Variants in RYR3 observed in about 807,000 individuals in gnomAD.
RYR3 encodes the protein ryanodine receptor 3, also known as brain ryanodine receptor-calcium release channel.
In RYR3, 207 loss-of-function variants were observed where a neutral mutation model predicts 584.3. The ratio of observed to expected loss-of-function variants is 0.35; its 90% CI spans 0.32 to 0.40. The LOEUF is 0.40. RYR3 is among the 10% of genes least tolerant of loss of function. RYR3 has a pLI of 1.00. For synonymous variants in RYR3, 2,416 were observed against 2,248.5 expected (o/e 1.07, Z -2.11); for missense variants, 5,616 against 6,089.2 (o/e 0.92, Z 2.59).
intron 3 of RYR3, among the ~76,000 whole-genome samples, chr15:33,513,740 T>C (rs913422087): frequency 6.6e-6 from 1 of 152,104 alleles, no homozygotes; most frequent in Non-Finnish European, 1.5e-5. Flanking sequence ...GGGGTGGACA[T>C]TCTAGCCTTG....
At chr15:33,773,063 AG>A (rs2073712400) in intron 63 of RYR3, among the ~76,000 whole-genome samples, 2 of 152,182 alleles carry the variant, frequency 1.3e-5, no homozygotes, top group Non-Finnish European at 1.5e-5. Context: ...GGCAGATGTG[AG>A]GGATTTTGCT....
chr15:33,534,668 A>G (rs958565083), intron 5 of RYR3, among the ~76,000 whole-genome samples: 12 of 152,260 alleles, frequency 7.9e-5, no homozygotes, highest in Admixed American at 5.2e-4. Context: ...TGTAATATCA[A>G]ACAAGATGCT....
At chr15:33,320,162 T>C (rs1046605334) in intron 1 of RYR3, among the ~76,000 whole-genome samples, 4 of 152,182 alleles carry the variant, frequency 2.6e-5, no homozygotes, top group Admixed American at 2.0e-4. Context: ...GCATGAATAT[T>C]TTCATGATAG....
At chr15:33,621,371 G>T (rs950396388) in intron 19 of RYR3, among the ~76,000 whole-genome samples, 43 of 152,272 alleles carry the variant, frequency 2.8e-4, no homozygotes, top group African/African-American at 1.0e-3. Context: ...CTAATTCTTT[G>T]CCCAGAAAGA....
intron 60 of RYR3, among the ~76,000 whole-genome samples, chr15:33,767,383 C>T (rs889681750): frequency 1.3e-5 from 2 of 152,174 alleles, no homozygotes; most frequent in Non-Finnish European, 2.9e-5. Flanking sequence ...ATGGCTGCCA[C>T]GTTTCTGGTA....
chr15:33,613,654 CATT>C (rs1219035442), intron 19 of RYR3, among the ~76,000 whole-genome samples: 6 of 152,280 alleles, frequency 3.9e-5, no homozygotes, highest in African/African-American at 1.4e-4. Flanking sequence ...ATTACATGCT[CATT>C]ATAAGAAAAA....
intron 98 of RYR3, among the ~76,000 whole-genome samples, chr15:33,855,639 GATATCTGCATCCAATTAAGAGCCAA>G (rs755899493): frequency 0.3 from 4,953 of 16,404 alleles, 163 homozygotes; most frequent in Non-Finnish European, 0.38. Context: ...CAATATTTCT[GATATCTGCATCCAATTAAGAGCCAA>G]TGATTTCAGA....
intron 11 of RYR3, among the ~76,000 whole-genome samples, chr15:33,565,763 T>G (rs1364554467): frequency 1.3e-5 from 2 of 152,078 alleles, no homozygotes; most frequent in Admixed American, 6.5e-5. Flanking sequence ...TCACTTAACA[T>G]CTTCACATAC....
chr15:33,567,797 C>T (rs1230064980), intron 12 of RYR3, among the ~76,000 whole-genome samples: 3 of 152,172 alleles, frequency 2.0e-5, no homozygotes, highest in African/African-American at 2.4e-5. Flanking sequence ...CAGATACCCT[C>T]AGAATAAGAT....
chr15:33,699,672 T>G lies in RYR3; in HGVS notation c.6250-32T>G, dbSNP rs1190257524. ...TTCAGAAAGGCCTCATGATAGATTC[T>G]TTTGTCTGACACTTTCTACTTCTCC... On this transcript the variant is annotated intron_variant, in intron 40 of 103. Transcript: ENST00000634891. The G allele has an allele frequency of 1.9e-6, 3 of 1,604,378 alleles. No homozygotes were observed. The Admixed American group carries it at 5.0e-5, about 27-fold the overall frequency.
intron 1 of RYR3, among the ~76,000 whole-genome samples, chr15:33,428,911 A>G (rs1339104087): frequency 6.6e-6 from 1 of 152,218 alleles, no homozygotes; most frequent in Non-Finnish European, 1.5e-5. Context: ...TGTGACTTGA[A>G]CATCGTATGA....
chr15:33,651,704 T>C (rs1418347695), intron 31 of RYR3, among the ~76,000 whole-genome samples: 1 of 152,200 alleles, frequency 6.6e-6, no homozygotes, highest in East Asian at 1.9e-4. Flanking sequence ...CCCTCCATGC[T>C]GAGGACCACA....
chr15:33,661,252 C>G (rs2063144239), intron 34 of RYR3, among the ~76,000 whole-genome samples: 1 of 152,128 alleles, frequency 6.6e-6, no homozygotes, highest in South Asian at 2.1e-4. Flanking sequence ...AGCCGAGGCC[C>G]TGGACCCACA....
chr15:33,742,098 C>G (rs2070198820), intron 51 of RYR3, among the ~76,000 whole-genome samples: 2 of 152,204 alleles, frequency 1.3e-5, no homozygotes, highest in African/African-American at 4.8e-5. Flanking sequence ...AGCCAAGAGA[C>G]CCTGGAGCAC....
intron 2 of RYR3, among the ~76,000 whole-genome samples, chr15:33,495,084 A>G (rs1171789980): frequency 6.6e-6 from 1 of 152,220 alleles, no homozygotes; most frequent in Non-Finnish European, 1.5e-5. Flanking sequence ...CACCTGCCTA[A>G]GTTTATAAAA....
chr15:33,576,268 A>G (rs965526916), intron 12 of RYR3, among the ~76,000 whole-genome samples: 7 of 152,218 alleles, frequency 4.6e-5, no homozygotes, highest in African/African-American at 1.4e-4. Flanking sequence ...AACTCATTTC[A>G]TGAGGCCAGA....
In RYR3 at chr15:33,584,373, T is replaced by C. The variant is rs373794958; in HGVS notation, c.1574-22T>C. On this transcript the variant is annotated intron_variant, in intron 14 of 103. Coordinates refer to ENST00000634891, the MANE Select transcript of RYR3 (RefSeq NM_001036.6). The stretch of plus-strand genomic sequence containing the variant: ...TCATTATATCCTTTAACCTCTATGA[T>C]CAAACATCTCCTTGTTTGCAGCTGC... The C allele has an allele frequency of 1.4e-5, 20 of 1,413,886 alleles. No homozygotes were observed. The African/African-American group carries it at 2.1e-4, about 15-fold the overall frequency. The allele number at this position is 1,413,886 out of a possible 1,614,324, so 87.6% of individuals were successfully genotyped here. A position where few individuals can be genotyped will look rare whatever the true frequency, so the allele number is the denominator to read the frequency against.
intron 30 of RYR3, 96 bp from the exon 31 acceptor site, chr15:33,648,976 A>G: frequency 8.1e-7 from 1 of 1,232,102 alleles, no homozygotes; most frequent in Non-Finnish European, 1.1e-6. Flanking sequence ...AGGGGGGGCC[A>G]AGTGAGCTGC....
At chr15:33,581,764 A>G (rs939247306) in intron 14 of RYR3, 121 bp downstream of exon 14, 17 of 858,578 alleles carry the variant, frequency 2.0e-5, no homozygotes, top group Non-Finnish European at 3.0e-5. Flanking sequence ...CATTCCTTAG[A>G]AGTCTTTTGT....
Sources: gnomAD v4.1 joint callset for allele counts (sites outside exome capture counted in the v4.1 genomes callset) on GRCh38, gnomAD v4.1.1 for gene constraint, MANE v1.5 for transcripts, NCBI Gene and HGNC (gene_info 2026-07-23, HGNC 2026-07-21) for gene names.